Variants in GALK2 observed in about 807,000 individuals in gnomAD.
GALK2 encodes the protein N-acetylgalactosamine kinase.
GALK2 carries 36 observed loss-of-function variants against 52.4 expected under a neutral mutation model. The ratio of observed to expected loss-of-function variants is 0.69; its 90% confidence interval spans 0.53 to 0.91. The LOEUF (loss-of-function observed/expected upper bound fraction) is 0.91, where lower values mean the gene tolerates loss of function less well. Ranked by LOEUF, GALK2 falls within the 40% of genes least tolerant of loss-of-function variation. GALK2 has a pLI of 0.00. For missense variants in GALK2, 579 were observed against 559.1 expected (o/e 1.04, Z -0.36); for synonymous variants, 176 against 199.1 (o/e 0.88, Z 0.98).
At chr15:49,327,587 T>C (rs2037740497) in intron 9 of GALK2, 1 of 160,922 alleles carries the variant, frequency 6.2e-6, no homozygotes, top group Non-Finnish European at 1.3e-5. Flanking sequence ...TCTTTTACCA[T>C]TGCCTGTTTT....
In GALK2 at chr15:49,289,015, C is replaced by T. The variant is rs181344395; in HGVS notation, c.757-3312C>T. On this transcript the variant is annotated intron_variant, in intron 7 of 9. Coordinates refer to ENST00000560031, the MANE Select transcript of GALK2 (RefSeq NM_002044.4). ...CTTTGAGGAAGTTTTCCTTGACTAC[C>T]TCCTGACCTCAGTTAGGTGAAACAC... Among the ~76,000 whole-genome samples the T allele has an allele frequency of 2.8e-3, 427 of 152,294 alleles. 1 individual carries two copies. Among genetic ancestry groups the T allele is most frequent in the Non-Finnish European group, 4.2e-3 (289 of 68,020 alleles).
chr15:49,156,281 T>G, intron 1 of GALK2: 1 of 484,426 alleles, frequency 2.1e-6, no homozygotes, highest in Non-Finnish European at 3.8e-6. Context: ...GACTGGTTTT[T>G]AAAAAATACA....
intron 9 of GALK2, among the ~76,000 whole-genome samples, chr15:49,322,668 C>G (rs2036976855): frequency 6.6e-6 from 1 of 152,128 alleles, no homozygotes; most frequent in Non-Finnish European, 1.5e-5. Context: ...AAAGCTGTGA[C>G]TTTCTCTTGC....
chr15:49,363,802 T>C (rs1392277624), intron 3 of GALK2, among the ~76,000 whole-genome samples: 1 of 152,154 alleles, frequency 6.6e-6, no homozygotes, highest in Admixed American at 6.5e-5. Flanking sequence ...ATGTCTAGTT[T>C]GTTGAGGGTT....
chr15:49,251,085 C>A (rs1379683747), intron 5 of GALK2, among the ~76,000 whole-genome samples: 1 of 152,128 alleles, frequency 6.6e-6, no homozygotes, highest in Non-Finnish European at 1.5e-5. Context: ...TTCTGCCAAA[C>A]CAAATGTGAT....
At chr15:49,326,255 ATTTTTTTTT>A (rs35381509) in intron 9 of GALK2, among the ~76,000 whole-genome samples, 1 of 100,690 alleles carries the variant, frequency 9.9e-6, no homozygotes, top group Non-Finnish European at 2.0e-5. Context: ...TATGACAACC[ATTTTTTTTT>A]TTTTTTTTTT....
At chr15:49,259,282 C>T (rs1368859102) in intron 5 of GALK2, among the ~76,000 whole-genome samples, 2 of 150,996 alleles carry the variant, frequency 1.3e-5, no homozygotes, top group Non-Finnish European at 2.9e-5. Context: ...TGTTGTGCTG[C>T]ACCCATTAAC....
intron 5 of GALK2, among the ~76,000 whole-genome samples, chr15:49,260,508 T>C (rs535464141): frequency 5.9e-4 from 85 of 145,132 alleles, no homozygotes; most frequent in African/African-American, 2.0e-3. Context: ...TTCTCCCATT[T>C]TGTAGGTTGC....
chr15:49,334,853 G>A (rs1035759511), downstream of GALK2, among the ~76,000 whole-genome samples: 6 of 152,148 alleles, frequency 3.9e-5, no homozygotes, highest in Non-Finnish European at 8.8e-5. Context: ...ACTGGACCCT[G>A]CCCATTTGTT....
chr15:49,288,619 A>C (rs1405485423), intron 7 of GALK2, among the ~76,000 whole-genome samples: 1 of 152,216 alleles, frequency 6.6e-6, no homozygotes, highest in Non-Finnish European at 1.5e-5. Context: ...TCAATAGTGC[A>C]TACTCTGCCA....
chr15:49,184,375 GT>G (rs550809575), intron 1 of GALK2, among the ~76,000 whole-genome samples: 181 of 152,116 alleles, frequency 1.2e-3, no homozygotes, highest in Admixed American at 1.9e-3. Flanking sequence ...TAGAGGTGAA[GT>G]TTGTTGCTTG....
intron 3 of GALK2, among the ~76,000 whole-genome samples, chr15:49,349,306 T>C (rs1245123177): frequency 6.6e-6 from 1 of 152,140 alleles, no homozygotes; most frequent in Non-Finnish European, 1.5e-5. Context: ...AAATTATTAA[T>C]TTCATTTTCA....
At chr15:49,298,230 G>A (rs529437332) in intron 8 of GALK2, among the ~76,000 whole-genome samples, 2 of 152,176 alleles carry the variant, frequency 1.3e-5, no homozygotes, top group South Asian at 4.1e-4. Flanking sequence ...GACATTACTG[G>A]TGTATAAAAA....
chr15:49,195,858 G>C (rs1262000057), intron 1 of GALK2, among the ~76,000 whole-genome samples: 1 of 151,934 alleles, frequency 6.6e-6, no homozygotes, highest in Non-Finnish European at 1.5e-5. Flanking sequence ...AGGTAGAAAG[G>C]GGAAAGAGGG....
At chr15:49,362,183 T>TGTGTTGG (rs1227484700) in intron 3 of GALK2, among the ~76,000 whole-genome samples, 2 of 152,252 alleles carry the variant, frequency 1.3e-5, no homozygotes, top group East Asian at 3.9e-4. Context: ...GTAATCCCCA[T>TGTGTTGG]GTGTTGGGGG....
chr15:49,367,295 AC>A (rs1471802060), intron 3 of GALK2, among the ~76,000 whole-genome samples: 1 of 152,226 alleles, frequency 6.6e-6, no homozygotes, highest in East Asian at 1.9e-4. Flanking sequence ...CAAACATACT[AC>A]CAAAGTTTTA....
intron 3 of GALK2, among the ~76,000 whole-genome samples, chr15:49,356,403 T>C (rs1280362309): frequency 2.0e-5 from 3 of 149,194 alleles, no homozygotes; most frequent in African/African-American, 4.9e-5. Context: ...ACCAAGCCAA[T>C]GGAAAACAAA....
chr15:49,192,995 ACC>A (rs751591930), intron 1 of GALK2, among the ~76,000 whole-genome samples: 34,975 of 126,400 alleles, frequency 0.28, 4,998 homozygotes, highest in East Asian at 0.46. Flanking sequence ...TTCTGTTTAT[ACC>A]TTTTTTTTTT....
At chr15:49,165,703 A>G (rs2084796741), upstream of GALK2, among the ~76,000 whole-genome samples, 1 of 151,706 alleles carries the variant, frequency 6.6e-6, no homozygotes, top group Non-Finnish European at 1.5e-5. Context: ...ATTTCTTTTT[A>G]TTGTTTTGAA....
Sources: gnomAD v4.1 joint callset for allele counts (sites outside exome capture counted in the v4.1 genomes callset) on GRCh38, gnomAD v4.1.1 for gene constraint, MANE v1.5 for transcripts, NCBI Gene and HGNC (gene_info 2026-07-23, HGNC 2026-07-21) for gene names.